The following DIP2C variants were observed in gnomAD, a reference collection of about 807,000 sequenced individuals.
The protein encoded by DIP2C is DIP2 acetate--CoA ligase C (putative), also known as disco-interacting protein 2 homolog C.
Under a neutral mutation model 192.4 loss-of-function variants are expected in DIP2C, and 33 were observed. The observed-to-expected ratio is 0.17, with a 90% CI of 0.13 to 0.23. The LOEUF is 0.23. DIP2C is among the 10% of genes least tolerant of loss of function. The probability of loss-of-function intolerance (pLI) is 1.00; values close to 1 mark genes in which losing one functional copy is unlikely to be tolerated. For synonymous variants in DIP2C, 979 were observed against 864.1 expected, an observed-to-expected ratio of 1.13 and a Z score of -2.33; for missense variants, 1,537 against 2,110.1, an observed-to-expected ratio of 0.73 and a Z score of 5.32.
At chr10:331,093 G>A (rs1391410208) in intron 29 of DIP2C, among the ~76,000 whole-genome samples, 1 of 151,182 alleles carries the variant, frequency 6.6e-6, no homozygotes, top group Non-Finnish European at 1.5e-5. Context: ...TAGGATTATA[G>A]GCATGAGCTG....
chr10:594,433 C>G (rs576007735), intron 1 of DIP2C, among the ~76,000 whole-genome samples: 9 of 152,288 alleles, frequency 5.9e-5, no homozygotes, highest in Middle Eastern at 3.4e-3. Flanking sequence ...GAGTACAAAC[C>G]ATTTCAACAT....
intron 14 of DIP2C, 133 bp downstream of exon 14, chr10:387,612 G>A (rs1353587109): frequency 1.3e-6 from 1 of 782,652 alleles, no homozygotes; most frequent in Non-Finnish European, 2.2e-6. Flanking sequence ...GGAGACTCCT[G>A]TGTGGACAGA....
chr10:298,194 T>C (rs930355414), intron 32 of DIP2C, among the ~76,000 whole-genome samples: 3 of 152,204 alleles, frequency 2.0e-5, no homozygotes, highest in Non-Finnish European at 2.9e-5. Flanking sequence ...TGAGTTCCTA[T>C]GGACTGTGAC....
chr10:411,097 G>A (rs762672201), intron 8 of DIP2C, among the ~76,000 whole-genome samples: 2 of 152,176 alleles, frequency 1.3e-5, no homozygotes, highest in African/African-American at 2.4e-5. Context: ...CATCAACCAC[G>A]CAAAAAAGCA....
intron 31 of DIP2C, among the ~76,000 whole-genome samples, chr10:318,019 G>C (rs1321069790): frequency 6.6e-6 from 1 of 152,186 alleles, no homozygotes. Flanking sequence ...GCTTCGGCTT[G>C]TCTCCCCTTT....
chr10:601,054 G>A (rs1288181973), intron 1 of DIP2C, among the ~76,000 whole-genome samples: 1 of 152,116 alleles, frequency 6.6e-6, no homozygotes, highest in Non-Finnish European at 1.5e-5. Flanking sequence ...TGAGGGCTCT[G>A]GCGTACTCTG....
intron 1 of DIP2C, among the ~76,000 whole-genome samples, chr10:674,794 A>ATAATATATATATAATATATATAT (rs1564332808): frequency 7.8e-6 from 1 of 127,626 alleles, no homozygotes; most frequent in Non-Finnish European, 1.7e-5. Context: ...ATATATAGAG[A>ATAATATATATATAATATATATAT]GAGAGAGAGA....
chr10:514,369 A>G (rs1159706708), intron 1 of DIP2C, among the ~76,000 whole-genome samples: 1 of 152,210 alleles, frequency 6.6e-6, no homozygotes, highest in Non-Finnish European at 1.5e-5. Context: ...GACGGCACTC[A>G]GTCACAACAG....
chr10:605,612 A>G (rs1485047368), intron 1 of DIP2C, among the ~76,000 whole-genome samples: 1 of 152,140 alleles, frequency 6.6e-6, no homozygotes, highest in Non-Finnish European at 1.5e-5. Flanking sequence ...CCAGGGCCCC[A>G]ATATGAAGCA....
In DIP2C at chr10:277,430, G is replaced by A. The variant is rs138227818; in HGVS notation, c.4566C>T (p.Ile1522=). ...CACGGGAGTTGATGGGGATGACGCC[G>A]ATGTCCACCACGACCACCACTCCGA... ...LIVGVVVVVD[I]GVIPINSRGE... is the part of the protein sequence containing the mutation. Residue 1522 remains isoleucine (I), a synonymous_variant, in exon 37 of 37, where the codon ATC becomes ATT. Coordinates refer to ENST00000280886, the MANE Select transcript of DIP2C (RefSeq NM_014974.3). The A allele has an allele frequency of 3.1e-5, 50 of 1,614,004 alleles. No individual in the cohort carries two copies. Among genetic ancestry groups the A allele is most frequent in the African/African-American group, 3.1e-4 (23 of 74,884 alleles).
intron 1 of DIP2C, among the ~76,000 whole-genome samples, chr10:657,852 G>A (rs1174724234): frequency 6.9e-4 from 94 of 136,600 alleles, no homozygotes; most frequent in African/African-American, 2.6e-3. Context: ...TGGACCTGCC[G>A]CTGGACCTGA....
At chr10:365,177 T>G (rs576198526) in intron 19 of DIP2C, among the ~76,000 whole-genome samples, 1 of 152,308 alleles carries the variant, frequency 6.6e-6, no homozygotes, top group East Asian at 1.9e-4. Context: ...GAAAGTTGAA[T>G]TCACACTCAA....
At chr10:418,303 C>G (rs905170398) in intron 6 of DIP2C, among the ~76,000 whole-genome samples, 8 of 149,202 alleles carry the variant, frequency 5.4e-5, no homozygotes, top group Non-Finnish European at 1.2e-4. Flanking sequence ...TGTCGGAGCT[C>G]GGATAGGCCT....
chr10:630,333 A>G (rs1238570946), intron 1 of DIP2C: 2 of 152,254 alleles, frequency 1.3e-5, no homozygotes, highest in African/African-American at 4.8e-5. Context: ...ACATTCTTCC[A>G]TATACTTTTA....
At chr10:670,902 T>C (rs976416876) in intron 1 of DIP2C, among the ~76,000 whole-genome samples, 1 of 152,210 alleles carries the variant, frequency 6.6e-6, no homozygotes, top group Non-Finnish European at 1.5e-5. Flanking sequence ...TCAGGGTATA[T>C]GAAGTAAACA....
chr10:413,791 G>T, intron 8 of DIP2C, 122 bp downstream of exon 8: 2 of 1,280,248 alleles, frequency 1.6e-6, no homozygotes, highest in Non-Finnish European at 2.1e-6. Flanking sequence ...CGTGGGCAAA[G>T]GGCAGAGGGT....
At chr10:530,945 G>A (rs1208620371) in intron 1 of DIP2C, among the ~76,000 whole-genome samples, 1 of 152,148 alleles carries the variant, frequency 6.6e-6, no homozygotes, top group African/African-American at 2.4e-5. Flanking sequence ...GCAGACTCCC[G>A]ATGCCGGCCG....
At chr10:473,658 G>A (rs371480586) in intron 2 of DIP2C, among the ~76,000 whole-genome samples, 19 of 152,248 alleles carry the variant, frequency 1.2e-4, no homozygotes, top group African/African-American at 4.3e-4. Flanking sequence ...CAGGAAGGAC[G>A]TCATCCTACG....
intron 1 of DIP2C, among the ~76,000 whole-genome samples, chr10:580,728 A>G (rs887429254): frequency 1.3e-5 from 2 of 152,066 alleles, no homozygotes; most frequent in Non-Finnish European, 2.9e-5. Flanking sequence ...CCAGTTCCAC[A>G]TAATTTTTTT....
Sources: allele counts gnomAD v4.1 joint callset (sites outside exome capture counted in the v4.1 genomes callset), GRCh38; gene constraint gnomAD v4.1.1; transcripts MANE v1.5; gene names NCBI Gene and HGNC (gene_info 2026-07-23, HGNC 2026-07-21).